SLC44A5: variants seen among roughly 807,000 people sequenced by gnomAD.
The protein encoded by SLC44A5 is solute carrier family 44 member 5, also known as choline transporter-like protein 5.
In SLC44A5, 57 loss-of-function variants were observed where a neutral mutation model predicts 101.8. The observed-to-expected ratio is 0.56, with a 90% CI of 0.45 to 0.70. The LOEUF (loss-of-function observed/expected upper bound fraction) is 0.70, where lower values mean the gene tolerates loss of function less well. SLC44A5 is among the 30% of genes least tolerant of loss of function. SLC44A5 has a pLI of 0.00. For missense variants in SLC44A5, 737 were observed against 853.1 expected, an observed-to-expected ratio of 0.86 and a Z score of 1.70; for synonymous variants, 281 against 290.9, an observed-to-expected ratio of 0.97 and a Z score of 0.35.
intron 1 of SLC44A5, among the ~76,000 whole-genome samples, chr1:75,573,682 A>G (rs1673208439): frequency 6.6e-6 from 1 of 152,162 alleles, no homozygotes; most frequent in African/African-American, 2.4e-5. Flanking sequence ...TATAAGCTCT[A>G]TTGCCACAAA....
chr1:75,246,165 G>C (rs761023702), intron 7 of SLC44A5, among the ~76,000 whole-genome samples: 1 of 152,210 alleles, frequency 6.6e-6, no homozygotes, highest in Non-Finnish European at 1.5e-5. Flanking sequence ...CTTTAATTCA[G>C]ATAGTCTTAA....
At position 75,284,894 on chromosome 1, in the gene SLC44A5, T is replaced by A. The variant is rs184448689; in HGVS notation, c.176-9852A>T. Among the ~76,000 whole-genome samples, 377 of 152,294 alleles carry A rather than the reference T, an allele frequency of 2.5e-3. 1 individual carries two copies. The highest frequency in any genetic ancestry group is 4.1e-3 in the Non-Finnish European group (281 of 68,006). On this transcript the variant is annotated intron_variant, in intron 5 of 23. Transcript: ENST00000370859. The stretch of plus-strand genomic sequence containing the variant: ...ATAATGTATTATTGTTTTGATGTGC[T>A]GTTGGATTCAGTTAGTCAGTGTTTT...
the SLC44A5 span, among the ~76,000 whole-genome samples, chr1:75,708,970 G>A: frequency 6.6e-6 from 1 of 152,040 alleles, no homozygotes; most frequent in Non-Finnish European, 1.5e-5. Flanking sequence ...TATCTTTCCT[G>A]TCCCACTCTC....
chr1:75,499,917 T>C (rs1668865317), intron 2 of SLC44A5, among the ~76,000 whole-genome samples: 1 of 152,164 alleles, frequency 6.6e-6, no homozygotes, highest in Non-Finnish European at 1.5e-5. Flanking sequence ...AACTTAGTTC[T>C]AGGTAACAAA....
the SLC44A5 span, among the ~76,000 whole-genome samples, chr1:75,642,456 G>T: frequency 6.6e-6 from 1 of 152,040 alleles, no homozygotes. Context: ...CATTCTGGAG[G>T]CAGGGCTGAA....
chr1:75,651,653 C>T, the SLC44A5 span, among the ~76,000 whole-genome samples: 4 of 144,156 alleles, frequency 2.8e-5, no homozygotes, highest in Non-Finnish European at 6.0e-5. Flanking sequence ...GTCAAGATCG[C>T]GCCATTGCAC....
chr1:75,592,778 A>G (rs1396659066), intron 1 of SLC44A5, among the ~76,000 whole-genome samples: 4 of 152,154 alleles, frequency 2.6e-5, no homozygotes, highest in African/African-American at 9.6e-5. Flanking sequence ...GTGCTGGGAA[A>G]AATGGATATC....
intron 1 of SLC44A5, among the ~76,000 whole-genome samples, chr1:75,597,187 CA>C (rs36100438): frequency 0.038 from 3,935 of 102,910 alleles, 135 homozygotes; most frequent in African/African-American, 0.12. Context: ...GACTTTGTCT[CA>C]AAAAAAAAAA....
rs554940065 is a variant in SLC44A5, at chr1:75,484,556, G to A, written c.13+56879C>T. 5.3e-5 allele frequency among the ~76,000 whole-genome samples: 8 copies of A among 152,326 alleles called. No individual in the cohort carries two copies. The South Asian group carries it at 1.7e-3, about 32-fold the overall frequency. ...CACTAGCTGGCATTGAGTGCCTGTG[G>A]CTTTTCCAGGTGCACAGTGCAAGCC... On this transcript the variant is annotated intron_variant, in intron 2 of 23. Transcript: ENST00000370859.
chr1:75,397,246 G>A (rs1284508056), intron 2 of SLC44A5, among the ~76,000 whole-genome samples: 2 of 152,118 alleles, frequency 1.3e-5, no homozygotes, highest in African/African-American at 4.8e-5. Context: ...GTGCCATAAT[G>A]AACAATAACA....
chr1:75,241,301 A>G (rs543194678), intron 9 of SLC44A5, among the ~76,000 whole-genome samples: 1 of 152,044 alleles, frequency 6.6e-6, no homozygotes, highest in South Asian at 2.1e-4. Flanking sequence ...ATAGCTAACT[A>G]CAGGCTTCAA....
chr1:75,505,155 G>A (rs1669177419), intron 2 of SLC44A5, among the ~76,000 whole-genome samples: 1 of 152,136 alleles, frequency 6.6e-6, no homozygotes, highest in Non-Finnish European at 1.5e-5. Context: ...CCATGTTGCT[G>A]CAAAGGACAT....
At chr1:75,329,824 A>G (rs534609891) in intron 4 of SLC44A5, among the ~76,000 whole-genome samples, 2 of 152,046 alleles carry the variant, frequency 1.3e-5, no homozygotes, top group Admixed American at 1.3e-4. Context: ...GTACATGCCT[A>G]CTCCTATTTT....
At chr1:75,569,169 T>C (rs190203305) in intron 1 of SLC44A5, among the ~76,000 whole-genome samples, 74 of 151,906 alleles carry the variant, frequency 4.9e-4, no homozygotes, top group African/African-American at 1.7e-3. Context: ...TCCTCCTGAA[T>C]TCATCCCTAA....
At chr1:75,486,176 G>T (rs1304647336) in intron 2 of SLC44A5, among the ~76,000 whole-genome samples, 3 of 151,986 alleles carry the variant, frequency 2.0e-5, no homozygotes, top group Admixed American at 6.6e-5. Context: ...ACTTTACAAG[G>T]CTCTATTCAA....
chr1:75,374,373 G>A (rs1275942575), intron 3 of SLC44A5, among the ~76,000 whole-genome samples: 1 of 152,156 alleles, frequency 6.6e-6, no homozygotes, highest in East Asian at 1.9e-4. Flanking sequence ...GGACCAGTAG[G>A]TCTCCAGGGA....
intron 2 of SLC44A5, among the ~76,000 whole-genome samples, chr1:75,496,460 C>A (rs1291405456): frequency 6.6e-6 from 1 of 151,842 alleles, no homozygotes; most frequent in Non-Finnish European, 1.5e-5. Context: ...CAAAAATCAA[C>A]TCAAAATGGA....
In SLC44A5 at chr1:75,286,038, T is replaced by C. The variant is rs148067474; in HGVS notation, c.176-10996A>G. Among the ~76,000 whole-genome samples, 1,465 of 152,222 alleles carry C rather than the reference T, an allele frequency of 9.6e-3. 31 individuals are homozygous for C. Among genetic ancestry groups the C allele is most frequent in the African/African-American group, 0.033 (1,388 of 41,566 alleles). ...ATTGTTGCTTTTTGACTTTTTGTCT[T>C]GATGACCTGTTTCGTGCTGTCAGTG... is the stretch of plus-strand genomic sequence containing the variant. On this transcript the variant is annotated intron_variant, in intron 5 of 23. Transcript: ENST00000370859.
chr1:75,504,315 T>C (rs1334009757), intron 2 of SLC44A5, among the ~76,000 whole-genome samples: 4 of 152,124 alleles, frequency 2.6e-5, no homozygotes, highest in Non-Finnish European at 5.9e-5. Flanking sequence ...GTGGTAGTAA[T>C]TGGGAAGGGG....
Sources: allele counts gnomAD v4.1 joint callset (sites outside exome capture counted in the v4.1 genomes callset), GRCh38; gene constraint gnomAD v4.1.1; transcripts MANE v1.5; gene names NCBI Gene and HGNC (gene_info 2026-07-23, HGNC 2026-07-21).